MGAM: variants seen among roughly 807,000 people sequenced by gnomAD.
MGAM encodes alpha-1,4-glucosidase.
In MGAM, 253 loss-of-function variants were observed where a neutral mutation model predicts 358.8. That is an observed-to-expected ratio of 0.71 (90% CI 0.64 to 0.78). MGAM has a LOEUF of 0.78. Ranked by LOEUF, MGAM falls within the 30% of genes least tolerant of loss-of-function variation. The pLI is 0.00. For synonymous variants in MGAM, 1,105 were observed against 1,227.1 expected (o/e 0.90, Z 2.08); for missense variants, 3,080 against 3,432.6 (o/e 0.90, Z 2.57).
Position 142,027,749 on chromosome 7 carries a change from T to TG in MGAM, c.1221+14_1221+15insG, listed in dbSNP as rs1554461584. The TG allele has an allele frequency of 6.5e-7, 1 of 1,550,382 alleles. No homozygotes were observed. The highest frequency in any genetic ancestry group is 1.9e-5 in the Admixed American group (1 of 52,668). ...CAGCTCCCTTATGTAAGCAAGGTTT[T>TG]CAACAGTTCTCCAAAAGTAAAGAAA... is the stretch of plus-strand genomic sequence containing the variant. On this transcript the variant is annotated intron_variant, in intron 10 of 70. Coordinates refer to ENST00000475668, the MANE Select transcript of MGAM (RefSeq NM_001365693.1).
rs572376026 is a variant in MGAM at position 142,080,773 on chromosome 7, C to A, written c.5848-18C>A. 4 of 1,539,982 alleles carry A rather than the reference C, an allele frequency of 2.6e-6. 1 individual carries two copies. Among genetic ancestry groups the A allele is most frequent in the Admixed American group, 1.8e-5 (1 of 56,996 alleles). On this transcript the variant is annotated intron_variant, in intron 49 of 70. Transcript: ENST00000475668. ...CAAGAGTAGTATTCTTGCCTAAAAT[C>A]GTTTTCCTCTGGCCTAGATTTATGA...
intron 22 of MGAM, among the ~76,000 whole-genome samples, chr7:142,048,772 A>G (rs1810663442): frequency 6.6e-6 from 1 of 152,168 alleles, no homozygotes; most frequent in Non-Finnish European, 1.5e-5. Flanking sequence ...ACTCTTGTCC[A>G]TCTAATCCAA....
At chr7:142,035,813 C>T (rs1426238243) in intron 16 of MGAM, among the ~76,000 whole-genome samples, 1 of 152,016 alleles carries the variant, frequency 6.6e-6, no homozygotes, top group South Asian at 2.1e-4. Flanking sequence ...AAAAATAATG[C>T]TGATAGTGGT....
At chr7:142,030,828 G>C (rs1405634093) in intron 12 of MGAM, 71 bp downstream of exon 12, 1 of 814,816 alleles carries the variant, frequency 1.2e-6, no homozygotes, top group Non-Finnish European at 2.0e-6. Flanking sequence ...CTGTGTGTGT[G>C]TGTGTGTGTG....
At chr7:142,049,752 C>T (rs1333214894) in intron 22 of MGAM, among the ~76,000 whole-genome samples, 3 of 152,096 alleles carry the variant, frequency 2.0e-5, no homozygotes, top group Non-Finnish European at 4.4e-5. Flanking sequence ...CAGTGAGCTA[C>T]CACCTCACAC....
Position 142,041,878 on chromosome 7 carries a change from A to AT in MGAM, c.2498+1033dup, listed in dbSNP as rs753526924. On this transcript the variant is annotated intron_variant, in intron 21 of 70. Coordinates refer to ENST00000475668, the MANE Select transcript of MGAM (RefSeq NM_001365693.1). ...TGGTCATTTTATATATATATTATAT[A>AT]TATACGTATAATATATAATATATAT... 3.4e-3 allele frequency among the ~76,000 whole-genome samples: 296 copies of AT among 87,882 alleles called. 3 individuals are homozygous for AT. The highest frequency in any genetic ancestry group is 8.2e-3 in the East Asian group (31 of 3,758). 57.7% of individuals were successfully genotyped at this position (87,882 alleles called of 152,430 possible).
chr7:141,992,521 C>T (rs968986894), upstream of MGAM, among the ~76,000 whole-genome samples: 28 of 152,306 alleles, frequency 1.8e-4, no homozygotes, highest in African/African-American at 5.1e-4. Flanking sequence ...GCAGTTTAGA[C>T]ATTTGCTGCC....
In MGAM at chr7:142,103,403, C is replaced by G; in HGVS notation, c.8148C>G (p.Val2716=). Reference sequence around the variant, plus strand: ...TCAGCATCTCTGTGAGTGGCATGGTCATAACACCCTCCTTCAACAATGACC... The same window carrying G: ...TCAGCATCTCTGTGAGTGGCATGGTGATAACACCCTCCTTCAACAATGACC... ...TSVSISVSGM[V]ITPSFNNDPT... The change falls in exon 70 of 71, where the codon GTC becomes GTG. Residue 2716 remains valine, a synonymous_variant. Transcript: ENST00000475668. 1 of 1,609,746 alleles carries G rather than the reference C, an allele frequency of 6.2e-7. No individual in the cohort carries two copies. Among genetic ancestry groups the G allele is most frequent in the Non-Finnish European group, 8.5e-7 (1 of 1,178,552 alleles).
chr7:142,023,206 G>A (rs1311748067), intron 7 of MGAM, among the ~76,000 whole-genome samples: 2 of 151,958 alleles, frequency 1.3e-5, no homozygotes, highest in East Asian at 1.9e-4. Context: ...GACTAAAGGT[G>A]CGTGTCACCA....
chr7:141,992,055 T>G (rs1803971451), upstream of MGAM, among the ~76,000 whole-genome samples: 1 of 152,228 alleles, frequency 6.6e-6, no homozygotes, highest in Non-Finnish European at 1.5e-5. Flanking sequence ...TGGGGTCGAA[T>G]GAGAGATTGG....
chr7:142,040,358 G>A, intron 20 of MGAM, 187 bp downstream of exon 20: 1 of 601,494 alleles, frequency 1.7e-6, no homozygotes, highest in South Asian at 2.2e-5. Flanking sequence ...GATGAAATGT[G>A]AAAAAATACC....
chr7:142,071,182 T>C (rs1266857348), intron 44 of MGAM, 64 bp downstream of exon 44: 9 of 1,474,460 alleles, frequency 6.1e-6, no homozygotes, highest in Non-Finnish European at 7.4e-6. Context: ...TGATGAAGTC[T>C]ACCAAAATGT....
At chr7:142,041,301 T>G (rs889991778) in intron 21 of MGAM, among the ~76,000 whole-genome samples, 3 of 152,092 alleles carry the variant, frequency 2.0e-5, no homozygotes, top group Non-Finnish European at 4.4e-5. Context: ...TCTTCATGGC[T>G]TTGAGAGTAT....
Position 142,096,395 on chromosome 7 carries a change from G to T in MGAM, c.7672G>T (p.Val2558Phe), listed in dbSNP as rs757615356. The T allele has an allele frequency of 6.2e-7, 1 of 1,613,700 alleles. No homozygotes were observed. The highest frequency in any genetic ancestry group is 8.5e-7 in the Non-Finnish European group (1 of 1,179,700). The change falls in exon 65 of 71, where the codon GTC becomes TTC. Residue 2558 changes from valine to phenylalanine, a missense_variant. Transcript: ENST00000475668. Reference sequence around the variant, plus strand: ...GTTCCTGCTGGGCCCAGCCTTCCTGGTCAGCCCTGTCCTGGAGCGTGTGAG... The same window carrying T: ...GTTCCTGCTGGGCCCAGCCTTCCTGTTCAGCCCTGTCCTGGAGCGTGTGAG... Reference protein sequence around the residue: ...SQFLLGPAFLVSPVLERNARN... With the variant: ...SQFLLGPAFLFSPVLERNARN...
chr7:142,061,339 G>A (rs867704067), intron 34 of MGAM, among the ~76,000 whole-genome samples: 1 of 152,046 alleles, frequency 6.6e-6, no homozygotes, highest in Admixed American at 6.6e-5. Context: ...CTGATCTGGA[G>A]CTCTCAGTTT....
At position 142,008,506 on chromosome 7, in the gene MGAM, C is replaced by A; in HGVS notation, c.128C>A (p.Ala43Asp). The A allele has an allele frequency of 1.2e-6, 2 of 1,606,874 alleles. No individual in the cohort carries two copies. The highest frequency in any genetic ancestry group is 1.7e-6 in the Non-Finnish European group (2 of 1,176,412). ...CTTTTTATGTTTGCTTTTGGTATAGCCCCAGATCCTGGGACAACTGGTACC... is the reference window on the plus strand; with the variant it reads ...CTTTTTATGTTTGCTTTTGGTATAGACCCAGATCCTGGGACAACTGGTACC... ...LLAKESLKSTAPDPGTTGTPD... is the reference protein window; with the variant it reads ...LLAKESLKSTDPDPGTTGTPD... Residue 43 changes from alanine to aspartate, a missense_variant and splice_region_variant, in exon 3 of 71, where the codon GCC becomes GAC. Coordinates refer to ENST00000475668, the MANE Select transcript of MGAM (RefSeq NM_001365693.1).
intron 16 of MGAM, among the ~76,000 whole-genome samples, chr7:142,035,871 A>C (rs1807945594): frequency 6.6e-6 from 1 of 152,210 alleles, no homozygotes. Context: ...CTATGCATCC[A>C]AAAGCTCTTT....
rs1172268235 is a variant in MGAM, at chr7:142,059,638, G to A, written c.3948+38G>A. Reference sequence around the variant, plus strand: ...GTGAATGTGTGCGGTCTGTTTGGGAGCAGGTATGGGCTTTGGTGGAGTCAG... The same window carrying A: ...GTGAATGTGTGCGGTCTGTTTGGGAACAGGTATGGGCTTTGGTGGAGTCAG... On this transcript the variant is annotated intron_variant, in intron 32 of 70. Transcript: ENST00000475668. 1.9e-6 allele frequency: 3 copies of A among 1,608,046 alleles called. No homozygotes were observed. The African/African-American group carries it at 4.0e-5, about 22-fold the overall frequency.
Position 142,044,040 on chromosome 7 carries a change from TAATATATACATTATATACACATAC to T in MGAM, c.2498+3195_2498+3218del, listed in dbSNP as rs1563152806. On this transcript the variant is annotated intron_variant, in intron 21 of 70. Coordinates refer to ENST00000475668, the MANE Select transcript of MGAM (RefSeq NM_001365693.1). ...ATACATTATATACACATACGACGTA[TAATATATACATTATATACACATAC>T]GACGTATAATACATTATATACACAT... 7.1e-4 allele frequency among the ~76,000 whole-genome samples: 98 copies of T among 137,634 alleles called. 2 individuals are homozygous for T. The highest frequency in any genetic ancestry group is 9.4e-4 in the Non-Finnish European group (61 of 64,868). 90.3% of individuals were successfully genotyped at this position (137,634 alleles called of 152,430 possible).
Sources: allele counts gnomAD v4.1 joint callset (sites outside exome capture counted in the v4.1 genomes callset), GRCh38; gene constraint gnomAD v4.1.1; transcripts MANE v1.5; gene names NCBI Gene and HGNC (gene_info 2026-07-23, HGNC 2026-07-21).